The following ERAP1 variants were observed in gnomAD, a reference collection of about 807,000 sequenced individuals.
ERAP1 encodes adipocyte-derived leucine aminopeptidase.
A neutral mutation model predicts 103.7 loss-of-function variants in ERAP1; 86 were observed. The observed-to-expected ratio is 0.83, with a 90% CI of 0.70 to 0.99. ERAP1 has a LOEUF of 0.99. Among genes scored for constraint, ERAP1 ranks in the 50% least tolerant of loss-of-function variants. The pLI is 0.00. For synonymous variants in ERAP1, 398 were observed against 402.4 expected, an observed-to-expected ratio of 0.99 and a Z score of 0.13; for missense variants, 1,009 against 1,128.4, an observed-to-expected ratio of 0.89 and a Z score of 1.52.
the ERAP1 span, chr5:96,909,949 C>T: frequency 1.8e-6 from 1 of 561,382 alleles, no homozygotes; most frequent in Non-Finnish European, 3.1e-6. Flanking sequence ...ACAATCTCTA[C>T]CATGAAATGT....
chr5:96,901,618 A>C, the ERAP1 span: 12 of 1,614,114 alleles, frequency 7.4e-6, no homozygotes, highest in East Asian at 2.2e-5. Flanking sequence ...CTCCGACTGC[A>C]ACAGGAGCGC....
At chr5:96,916,131 G>C in the ERAP1 span, among the ~76,000 whole-genome samples, 11 of 151,936 alleles carry the variant, frequency 7.2e-5, no homozygotes, top group African/African-American at 2.4e-4. Flanking sequence ...TGAGGCAGAA[G>C]AATCACTTGG....
downstream of ERAP1, chr5:96,770,036 G>C (rs531636087): frequency 6.5e-6 from 1 of 154,378 alleles, no homozygotes; most frequent in Non-Finnish European, 1.4e-5. Flanking sequence ...TGGGAGTGCA[G>C]ATATCTTTAT....
chr5:96,857,419 A>G, the ERAP1 span, among the ~76,000 whole-genome samples: 1 of 152,218 alleles, frequency 6.6e-6, no homozygotes, highest in Admixed American at 6.5e-5. Flanking sequence ...CAGCATCTAG[A>G]ACAAGGCCTT....
At chr5:96,935,812 C>T in the ERAP1 span, 1 of 321,188 alleles carries the variant, frequency 3.1e-6, no homozygotes, top group African/African-American at 2.2e-5. Flanking sequence ...TGTTGAGTGA[C>T]TGAACACCGT....
the ERAP1 span, among the ~76,000 whole-genome samples, chr5:96,838,810 A>AACACACACAC: frequency 6.7e-6 from 1 of 150,094 alleles, no homozygotes; most frequent in African/African-American, 2.4e-5. Flanking sequence ...ACTTGTCTCT[A>AACACACACAC]ACACACACAC....
the ERAP1 span, among the ~76,000 whole-genome samples, chr5:96,910,669 T>C: frequency 6.6e-6 from 1 of 152,240 alleles, no homozygotes; most frequent in Non-Finnish European, 1.5e-5. Flanking sequence ...ACATGTTGAA[T>C]ATACCTATGA....
Position 96,788,661 on chromosome 5 carries a change from C to T in ERAP1, c.1549G>A (p.Val517Met). The part of the protein sequence containing the change: ...SSHWHQEGVD[V>M]KTMMNTWTLQ... ...GTCCAAGTGTTCATCATGGTTTTCACATCCACCCCTTCCTGATGCCAATGC... is the reference window on the plus strand; with the variant it reads ...GTCCAAGTGTTCATCATGGTTTTCATATCCACCCCTTCCTGATGCCAATGC... The change falls in exon 11 of 19, where the codon GTG becomes ATG. Residue 517 changes from valine (V) to methionine (M), a missense_variant. Physicochemically the swap from Val to Met is conservative, Grantham distance 21. Coordinates refer to ENST00000443439, the MANE Select transcript of ERAP1 (RefSeq NM_001040458.3). 1 of 1,614,172 alleles carries T rather than the reference C, an allele frequency of 6.2e-7. No individual in the cohort carries two copies. Among genetic ancestry groups the T allele is most frequent in the South Asian group, 1.1e-5 (1 of 91,080 alleles).
chr5:96,802,452 T>C (rs1043221580), intron 2 of ERAP1, among the ~76,000 whole-genome samples: 2 of 152,132 alleles, frequency 1.3e-5, no homozygotes, highest in East Asian at 1.9e-4. Context: ...ATAGAAGTAG[T>C]GGTCAGTTCA....
At chr5:96,863,737 G>A in the ERAP1 span, among the ~76,000 whole-genome samples, 1 of 151,794 alleles carries the variant, frequency 6.6e-6, no homozygotes, top group Admixed American at 6.6e-5. Flanking sequence ...ATTTTTATGT[G>A]AAAATTGTTA....
At chr5:96,768,371 AC>A (rs1399934664) in intron 19 of ERAP1, 23 of 453,514 alleles carry the variant, frequency 5.1e-5, no homozygotes, top group Non-Finnish European at 8.8e-5. Context: ...GGCTTGAGCC[AC>A]TGCGCCTGGC....
At chr5:96,803,971 AAT>A in intron 1 of ERAP1, 28 bp from the exon 2 acceptor site, 5 of 1,597,168 alleles carry the variant, frequency 3.1e-6, no homozygotes, top group Non-Finnish European at 4.2e-6. Flanking sequence ...CAAAAGCAAA[AAT>A]ATATGTCATT....
At chr5:96,808,036 G>A (rs1778864306), upstream of ERAP1, 1 of 985,496 alleles carries the variant, frequency 1.0e-6, no homozygotes, top group African/African-American at 1.7e-5. Context: ...GGCGGGAGCT[G>A]GGGAAAGGGT....
intron 4 of ERAP1, 38 bp from the exon 5 acceptor site, chr5:96,795,200 A>C: frequency 6.2e-7 from 1 of 1,610,032 alleles, no homozygotes. Context: ...CAAATATCTT[A>C]ACTGGCTTCT....
At chr5:96,929,198 T>C in the ERAP1 span, among the ~76,000 whole-genome samples, 1 of 152,198 alleles carries the variant, frequency 6.6e-6, no homozygotes, top group Non-Finnish European at 1.5e-5. Flanking sequence ...AAGTGTACTT[T>C]ACTTCCTTTC....
chr5:96,905,931 T>C, the ERAP1 span, among the ~76,000 whole-genome samples: 2 of 140,628 alleles, frequency 1.4e-5, no homozygotes, highest in African/African-American at 2.7e-5. Context: ...GAGATAATTT[T>C]TTTTTCTTTT....
chr5:96,816,989 C>G, the ERAP1 span, among the ~76,000 whole-genome samples: 2 of 152,166 alleles, frequency 1.3e-5, no homozygotes, highest in Admixed American at 1.3e-4. Context: ...ACTATACATT[C>G]TCAGTTGGCA....
chr5:96,857,512 A>G, the ERAP1 span, among the ~76,000 whole-genome samples: 13,739 of 152,242 alleles, frequency 0.09, 808 homozygotes, highest in Middle Eastern at 0.16. Flanking sequence ...ATAAAAAGCT[A>G]AAAATAAAAA....
chr5:96,909,112 C>G, the ERAP1 span: 25 of 1,613,888 alleles, frequency 1.5e-5, no homozygotes, highest in Non-Finnish European at 2.1e-5. Flanking sequence ...CTCTGAAAAC[C>G]TCAAGGTTTG....
Sources: allele counts gnomAD v4.1 joint callset (sites outside exome capture counted in the v4.1 genomes callset), GRCh38; gene constraint gnomAD v4.1.1; transcripts MANE v1.5; gene names NCBI Gene and HGNC (gene_info 2026-07-23, HGNC 2026-07-21).